UST: variants seen among roughly 807,000 people sequenced by gnomAD.
The protein encoded by UST is uronyl 2-sulfotransferase.
UST carries 21 observed loss-of-function variants against 45.6 expected under a neutral mutation model. The ratio of observed to expected loss-of-function variants is 0.46; its 90% CI spans 0.33 to 0.66. UST has a LOEUF of 0.66. Ranked by LOEUF, UST falls within the 30% of genes least tolerant of loss-of-function variation. The pLI is 0.02. For synonymous variants in UST, 215 were observed against 200.6 expected, an observed-to-expected ratio of 1.07 and a Z score of -0.61; for missense variants, 463 against 512.4, an observed-to-expected ratio of 0.90 and a Z score of 0.93.
chr6:148,793,277 T>TA (rs11317825), intron 1 of UST, among the ~76,000 whole-genome samples: 6 of 149,956 alleles, frequency 4.0e-5, no homozygotes, highest in African/African-American at 7.4e-5. Context: ...TTGTAATATG[T>TA]AAAAAAAAAA....
intron 1 of UST, among the ~76,000 whole-genome samples, chr6:148,879,692 T>A (rs1212442775): frequency 6.6e-6 from 1 of 152,224 alleles, no homozygotes; most frequent in Admixed American, 6.5e-5. Context: ...GTACTGCTAG[T>A]GAACAGTTAC....
intron 5 of UST, among the ~76,000 whole-genome samples, chr6:148,990,763 G>A (rs1050743098): frequency 3.3e-5 from 5 of 152,088 alleles, no homozygotes; most frequent in Non-Finnish European, 5.9e-5. Context: ...TAAATCATGA[G>A]ACTAGCTGCA....
At chr6:148,749,407 T>G (rs1775945798) in intron 1 of UST, among the ~76,000 whole-genome samples, 1 of 152,096 alleles carries the variant, frequency 6.6e-6, no homozygotes, top group African/African-American at 2.4e-5. Flanking sequence ...TTTTAAGTAA[T>G]AGATGGAGGC....
At chr6:148,802,962 C>A (rs934469740) in intron 1 of UST, among the ~76,000 whole-genome samples, 1 of 152,030 alleles carries the variant, frequency 6.6e-6, no homozygotes, top group African/African-American at 2.4e-5. Context: ...CTACAAGGCT[C>A]TGAATAAATG....
intron 1 of UST, among the ~76,000 whole-genome samples, chr6:148,774,722 A>G (rs1208163566): frequency 6.6e-6 from 1 of 152,242 alleles, no homozygotes; most frequent in Non-Finnish European, 1.5e-5. Flanking sequence ...ATTTCAGAGA[A>G]AAATGAGTGC....
In UST at chr6:148,747,538, C is replaced by T. The variant is rs1775891310; in HGVS notation, c.108C>T (p.Pro36=). The T allele has an allele frequency of 6.4e-7, 1 of 1,556,556 alleles. No homozygotes were observed. The highest frequency in any genetic ancestry group is 8.7e-7 in the Non-Finnish European group (1 of 1,152,858). The change falls in exon 1 of 8, where the codon CCC becomes CCT. Residue 36 remains proline (P), a synonymous_variant. Coordinates refer to ENST00000367463, the MANE Select transcript of UST (RefSeq NM_005715.3). ...TGGGCAGCTGGAAGCGTCGGGTGCC[C>T]CTGCTGCCTTTCCTGCGCTTCTCCC... ...PGLGSWKRRV[P]LLPFLRFSLR... is the part of the protein sequence containing the mutation.
intron 1 of UST, among the ~76,000 whole-genome samples, chr6:148,875,173 G>A (rs1346238964): frequency 6.6e-6 from 1 of 152,194 alleles, no homozygotes; most frequent in Non-Finnish European, 1.5e-5. Flanking sequence ...TGACAGTAAT[G>A]CATGTTATAG....
At chr6:148,766,367 C>G (rs1776325203) in intron 1 of UST, among the ~76,000 whole-genome samples, 1 of 152,114 alleles carries the variant, frequency 6.6e-6, no homozygotes, top group African/African-American at 2.4e-5. Context: ...CTCTCACCCA[C>G]TCACCCACTT....
chr6:148,821,325 A>C (rs1019899103), intron 1 of UST, among the ~76,000 whole-genome samples: 4 of 151,766 alleles, frequency 2.6e-5, no homozygotes, highest in Non-Finnish European at 5.9e-5. Flanking sequence ...CTTGTCCCTT[A>C]ATTTGGTAGT....
At chr6:148,925,355 C>CA (rs1323800274) in intron 2 of UST, among the ~76,000 whole-genome samples, 2 of 151,978 alleles carry the variant, frequency 1.3e-5, no homozygotes, top group African/African-American at 2.4e-5. Context: ...CAAGCTTTTT[C>CA]AACAGATAAG....
At chr6:148,792,159 G>A (rs1406194197) in intron 1 of UST, among the ~76,000 whole-genome samples, 1 of 152,130 alleles carries the variant, frequency 6.6e-6, no homozygotes, top group Admixed American at 6.5e-5. Flanking sequence ...GGAATTTCAG[G>A]ATATTGGTAT....
At chr6:148,845,207 T>C (rs62426083) in intron 1 of UST, among the ~76,000 whole-genome samples, 10,303 of 152,284 alleles carry the variant, frequency 0.068, 465 homozygotes, top group Non-Finnish European at 0.11. Context: ...TTGAGAAATC[T>C]CCAAACTTGT....
At chr6:148,794,290 T>TCA (rs1443244903) in intron 1 of UST, among the ~76,000 whole-genome samples, 1 of 152,242 alleles carries the variant, frequency 6.6e-6, no homozygotes, top group African/African-American at 2.4e-5. Flanking sequence ...TTCTCTTTCC[T>TCA]CAGAACAGCT....
chr6:148,879,590 A>G (rs1778785582), intron 1 of UST, among the ~76,000 whole-genome samples: 1 of 152,232 alleles, frequency 6.6e-6, no homozygotes, highest in African/African-American at 2.4e-5. Flanking sequence ...GGCGAGTAGA[A>G]TGTGCAGAGA....
At chr6:148,872,619 T>A (rs376523565) in intron 1 of UST, among the ~76,000 whole-genome samples, 21 of 152,226 alleles carry the variant, frequency 1.4e-4, no homozygotes, top group African/African-American at 5.1e-4. Context: ...TGTAGTGGCT[T>A]AAAATAACAC....
intron 1 of UST, among the ~76,000 whole-genome samples, chr6:148,841,892 G>GT (rs1777898609): frequency 6.6e-6 from 1 of 152,190 alleles, no homozygotes; most frequent in Non-Finnish European, 1.5e-5. Flanking sequence ...ATCACCTGCG[G>GT]TAAGGGAGTT....
intron 1 of UST, among the ~76,000 whole-genome samples, chr6:148,881,229 T>C (rs1778818038): frequency 6.6e-6 from 1 of 152,100 alleles, no homozygotes; most frequent in Non-Finnish European, 1.5e-5. Flanking sequence ...TAAGTTTCTC[T>C]AAGAGGTTAA....
chr6:148,963,640 C>A (rs2114956985), intron 4 of UST, among the ~76,000 whole-genome samples: 1 of 152,214 alleles, frequency 6.6e-6, no homozygotes, highest in Non-Finnish European at 1.5e-5. Context: ...TCTTGATATC[C>A]CACACAAAAT....
At chr6:148,975,371 T>C (rs557961472) in intron 5 of UST, among the ~76,000 whole-genome samples, 1 of 152,344 alleles carries the variant, frequency 6.6e-6, no homozygotes, top group East Asian at 1.9e-4. Flanking sequence ...GATGCGAGGA[T>C]GTGTGGAGCT....
Sources: gnomAD v4.1 joint callset for allele counts (sites outside exome capture counted in the v4.1 genomes callset) on GRCh38, gnomAD v4.1.1 for gene constraint, MANE v1.5 for transcripts, NCBI Gene and HGNC (gene_info 2026-07-23, HGNC 2026-07-21) for gene names.